Variants in RELN observed in about 807,000 individuals in gnomAD.
RELN encodes reelin.
Under a neutral mutation model 427.6 loss-of-function variants are expected in RELN, and 108 were observed. The ratio of observed to expected loss-of-function variants is 0.25; its 90% CI spans 0.22 to 0.30. The LOEUF is 0.30. RELN is among the 10% of genes least tolerant of loss of function. RELN has a pLI of 1.00. For missense variants in RELN, 3,715 were observed against 4,302.8 expected, an observed-to-expected ratio of 0.86 and a Z score of 3.82; for synonymous variants, 1,524 against 1,513.4, an observed-to-expected ratio of 1.01 and a Z score of -0.16.
Position 103,593,834 on chromosome 7 carries a change from C to A in RELN, c.3760G>T (p.Val1254Leu), listed in dbSNP as rs778698231. The A allele has an allele frequency of 5.0e-6, 8 of 1,613,862 alleles. No homozygotes were observed. The highest frequency in any genetic ancestry group is 6.8e-6 in the Non-Finnish European group (8 of 1,179,918). ...AFDYPMNQMS[V>L]WLMLANEGMV... ...CCTTCATTAGCCAACATCAACCACA[C>A]ACTCATCTGATTCATAGGGTAATCA... Residue 1254 changes from valine (V) to leucine (L), a missense_variant, in exon 27 of 65, where the codon GTG (valine) becomes TTG (leucine). This residue lies in a region of RELN where 2,208 missense variants were observed against 2,361.7 expected (regional missense o/e 0.93). Coordinates refer to ENST00000428762, the MANE Select transcript of RELN (RefSeq NM_005045.4).
intron 6 of RELN, among the ~76,000 whole-genome samples, chr7:103,736,335 T>C (rs1265299196): frequency 6.6e-6 from 1 of 152,250 alleles, no homozygotes; most frequent in East Asian, 1.9e-4. Flanking sequence ...TCAAGCTTAA[T>C]TTTTTTTAAA....
intron 8 of RELN, among the ~76,000 whole-genome samples, chr7:103,711,955 G>A (rs1789812262): frequency 1.3e-5 from 2 of 152,158 alleles, no homozygotes; most frequent in Non-Finnish European, 2.9e-5. Flanking sequence ...CACCACAGCT[G>A]ACCTGCTATT....
intron 46 of RELN, among the ~76,000 whole-genome samples, chr7:103,534,494 A>G (rs898467394): frequency 6.7e-6 from 1 of 150,140 alleles, no homozygotes; most frequent in African/African-American, 2.4e-5. Context: ...TTAATTTTTA[A>G]TTTTTTTTTT....
At chr7:103,928,164 T>C (rs1795786986) in intron 1 of RELN, among the ~76,000 whole-genome samples, 5 of 152,192 alleles carry the variant, frequency 3.3e-5, no homozygotes, top group African/African-American at 1.2e-4. Context: ...AGATATAAGT[T>C]CTAAACAATT....
At chr7:103,675,702 G>C (rs970069441) in intron 11 of RELN, among the ~76,000 whole-genome samples, 1 of 152,276 alleles carries the variant, frequency 6.6e-6, no homozygotes, top group Admixed American at 6.5e-5. Context: ...ATAGACCAAT[G>C]GAACAGAACA....
chr7:103,810,481 T>C (rs1223321546), intron 3 of RELN, among the ~76,000 whole-genome samples: 1 of 152,164 alleles, frequency 6.6e-6, no homozygotes, highest in African/African-American at 2.4e-5. Context: ...GTTTCTTGCA[T>C]ATGTTGGAAT....
At chr7:103,656,269 C>T (rs1277892856) in intron 12 of RELN, among the ~76,000 whole-genome samples, 1 of 152,076 alleles carries the variant, frequency 6.6e-6, no homozygotes, top group African/African-American at 2.4e-5. Context: ...ATATTCCTAA[C>T]TAAATTGTCC....
chr7:103,870,995 T>C (rs1291388964), intron 2 of RELN, among the ~76,000 whole-genome samples: 1 of 152,100 alleles, frequency 6.6e-6, no homozygotes, highest in Non-Finnish European at 1.5e-5. Flanking sequence ...GCTCTGCAGT[T>C]AGGAAACTGT....
At chr7:103,483,321 T>C (rs1174086715) in intron 62 of RELN, among the ~76,000 whole-genome samples, 1 of 152,136 alleles carries the variant, frequency 6.6e-6, no homozygotes, top group Non-Finnish European at 1.5e-5. Flanking sequence ...CTCAGTAAAA[T>C]TTCAAACTAG....
intron 16 of RELN, among the ~76,000 whole-genome samples, chr7:103,641,694 G>T (rs1832696951): frequency 6.6e-6 from 1 of 152,074 alleles, no homozygotes. Flanking sequence ...GCTTAGCATG[G>T]TACCCAGCAC....
chr7:103,876,140 G>A (rs1794472768), intron 2 of RELN, among the ~76,000 whole-genome samples: 2 of 152,052 alleles, frequency 1.3e-5, no homozygotes, highest in South Asian at 4.2e-4. Context: ...TCTAACAATT[G>A]GTCATTACTG....
chr7:103,650,677 G>A (rs910810705), intron 15 of RELN, among the ~76,000 whole-genome samples: 13 of 152,116 alleles, frequency 8.5e-5, no homozygotes, highest in African/African-American at 3.1e-4. Flanking sequence ...CCAGGCTGGA[G>A]TGCAGTGGCA....
intron 1 of RELN, among the ~76,000 whole-genome samples, chr7:103,945,012 C>A (rs945511663): frequency 6.6e-6 from 1 of 152,088 alleles, no homozygotes; most frequent in African/African-American, 2.4e-5. Flanking sequence ...AAAACACCTA[C>A]GGATGTCCTT....
intron 42 of RELN, among the ~76,000 whole-genome samples, chr7:103,543,866 G>C (rs573095396): frequency 6.6e-6 from 1 of 152,222 alleles, no homozygotes; most frequent in Non-Finnish European, 1.5e-5. Flanking sequence ...CCTAGTTCCA[G>C]AACTTTTTCA....
rs764444946 is a variant in RELN, at chr7:103,563,046, G to A, written c.5211-1093C>T. Among the ~76,000 whole-genome samples the A allele has an allele frequency of 1.3e-5, 2 of 152,116 alleles. No individual in the cohort carries two copies. Among genetic ancestry groups the A allele is most frequent in the African/African-American group, 4.8e-5 (2 of 41,400 alleles). On this transcript the variant is annotated intron_variant, in intron 34 of 64. Coordinates refer to ENST00000428762, the MANE Select transcript of RELN (RefSeq NM_005045.4). This position sits in a 1 kb window ranked among gnomAD's most constrained non-coding sequence, Gnocchi z 4.1. ...TTTGCTCCCCTCTTCTCCTGGATAA[G>A]CCCTACTCAGAGTCAGCTGAGACAT...
At chr7:103,644,490 T>A (rs1362986835) in intron 16 of RELN, among the ~76,000 whole-genome samples, 1 of 150,200 alleles carries the variant, frequency 6.7e-6, no homozygotes, top group African/African-American at 2.4e-5. Context: ...CAAAACATAG[T>A]TGAAAGTTTT....
chr7:103,529,562 G>A (rs1829895516), intron 46 of RELN, among the ~76,000 whole-genome samples: 1 of 152,026 alleles, frequency 6.6e-6, no homozygotes, highest in Admixed American at 6.5e-5. Context: ...TCTGGGGTTA[G>A]TAAGGTGGAG....
intron 2 of RELN, among the ~76,000 whole-genome samples, chr7:103,875,055 A>G (rs532946308): frequency 6.9e-6 from 1 of 145,660 alleles, no homozygotes; most frequent in African/African-American, 2.5e-5. Context: ...ATAACGCCGC[A>G]TACCTACAAC....
intron 2 of RELN, among the ~76,000 whole-genome samples, chr7:103,910,368 T>C (rs1795337076): frequency 6.7e-6 from 1 of 149,528 alleles, no homozygotes; most frequent in African/African-American, 2.5e-5. Flanking sequence ...ACAGGGACAA[T>C]TTGATTTCCT....
Sources: gnomAD v4.1 joint callset for allele counts (sites outside exome capture counted in the v4.1 genomes callset) on GRCh38, gnomAD v4.1.1 for gene constraint, gnomAD v4.1.1 regional missense constraint, Gnocchi (gnomAD v3.1) non-coding constraint, MANE v1.5 for transcripts, NCBI Gene and HGNC (gene_info 2026-07-23, HGNC 2026-07-21) for gene names.